The following SUSD4 variants were observed in gnomAD, a reference collection of about 807,000 sequenced individuals.
SUSD4 encodes the protein sushi domain containing 4, also known as sushi domain-containing protein 4.
Under a neutral mutation model 50.5 loss-of-function variants are expected in SUSD4, and 41 were observed. The ratio of observed to expected loss-of-function variants is 0.81; its 90% confidence interval spans 0.63 to 1.05. The LOEUF (loss-of-function observed/expected upper bound fraction) is 1.05, where lower values mean the gene tolerates loss of function less well. SUSD4 is among the 50% of genes least tolerant of loss of function. The pLI is 0.00. For missense variants in SUSD4, 580 were observed against 634.7 expected (o/e 0.91, Z 0.93); for synonymous variants, 257 against 257.3 (o/e 1.00, Z 0.01).
At chr1:223,316,240 T>C (rs1442057825) in intron 2 of SUSD4, among the ~76,000 whole-genome samples, 2 of 152,106 alleles carry the variant, frequency 1.3e-5, no homozygotes, top group African/African-American at 4.8e-5. Context: ...GAAACTTCAT[T>C]GGTGCATTTA....
At chr1:223,343,512 C>T (rs1417872443) in intron 2 of SUSD4, among the ~76,000 whole-genome samples, 3 of 152,028 alleles carry the variant, frequency 2.0e-5, no homozygotes, top group Non-Finnish European at 4.4e-5. Flanking sequence ...TACAATGATG[C>T]TCTAAAAGAT....
intron 2 of SUSD4, among the ~76,000 whole-genome samples, chr1:223,344,252 T>C (rs766301992): frequency 6.6e-6 from 1 of 152,056 alleles, no homozygotes; most frequent in Non-Finnish European, 1.5e-5. Flanking sequence ...AGATGGGTGA[T>C]GTGTTTGGCA....
chr1:223,337,829 GAA>G (rs1429055500), intron 2 of SUSD4, among the ~76,000 whole-genome samples: 1 of 152,182 alleles, frequency 6.6e-6, no homozygotes, highest in Non-Finnish European at 1.5e-5. Context: ...CTTAGAGGGA[GAA>G]AATGAGGCCA....
rs543140759 is a variant in SUSD4, at chr1:223,342,762, A to G, written c.148+20516T>C. ...ACGCAAATTGACTAAATGTTTAAGTATAACAAATAAAATATGAAAAATACA... is the reference window on the plus strand; with the variant it reads ...ACGCAAATTGACTAAATGTTTAAGTGTAACAAATAAAATATGAAAAATACA... On this transcript the variant is annotated intron_variant, in intron 2 of 8. Coordinates refer to ENST00000366878, the MANE Select transcript of SUSD4 (RefSeq NM_017982.4). Among the ~76,000 whole-genome samples, 6 of 152,360 alleles carry G rather than the reference A, an allele frequency of 3.9e-5. No homozygotes were observed. The South Asian group carries it at 1.0e-3, about 26-fold the overall frequency.
rs1666462074 is a variant in SUSD4, at chr1:223,319,814, T to C, written c.149-27163A>G. Among the ~76,000 whole-genome samples, 3 of 152,182 alleles carry C rather than the reference T, an allele frequency of 2.0e-5. No homozygotes were observed. The South Asian group carries it at 6.2e-4, about 32-fold the overall frequency. On this transcript the variant is annotated intron_variant, in intron 2 of 8. Transcript: ENST00000366878. ...TCCAACTAGCAAAGAAAGTAATGCT[T>C]AGGAGCATGCTTCCCCTCCCTTACC...
intron 2 of SUSD4, among the ~76,000 whole-genome samples, chr1:223,304,940 GCCATGTTAATAT>G (rs1558233567): frequency 1.3e-5 from 2 of 148,848 alleles, no homozygotes; most frequent in East Asian, 4.0e-4. Flanking sequence ...AATTCCTAGA[GCCATGTTAATAT>G]CTGAAAATAT....
intron 5 of SUSD4, chr1:223,263,806 T>G (rs980115085): frequency 1.0e-6 from 1 of 985,354 alleles, no homozygotes; most frequent in Non-Finnish European, 1.2e-6. Context: ...TGTTTCCATA[T>G]TCCATTGTTT....
chr1:223,319,375 A>G (rs1195994182), intron 2 of SUSD4, among the ~76,000 whole-genome samples: 1 of 150,044 alleles, frequency 6.7e-6, no homozygotes. Context: ...GCAACCTACA[A>G]CATGGGAGAA....
At chr1:223,233,054 T>G (rs1200691303) in intron 5 of SUSD4, among the ~76,000 whole-genome samples, 1 of 152,218 alleles carries the variant, frequency 6.6e-6, no homozygotes, top group Non-Finnish European at 1.5e-5. Flanking sequence ...AGGCTCCTTA[T>G]GCAATTAGGA....
chr1:223,256,141 G>T (rs571040975), intron 5 of SUSD4, among the ~76,000 whole-genome samples: 2 of 152,298 alleles, frequency 1.3e-5, no homozygotes, highest in East Asian at 3.9e-4. Flanking sequence ...ACATGGTATT[G>T]CCCTCTCCCT....
At position 223,264,647 on chromosome 1, in the gene SUSD4, C is replaced by T. The variant is rs192791335; in HGVS notation, c.707G>A (p.Arg236Gln). The change falls in exon 5 of 9, where the codon CGG becomes CAG. Residue 236 changes from arginine (R) to glutamine (Q), a missense_variant. Arg to Gln is a conservative substitution (Grantham distance 43). Coordinates refer to ENST00000366878, the MANE Select transcript of SUSD4 (RefSeq NM_017982.4). ...TGTGTTACCTTCCAGAGCAAGGCAC[C>T]GGGGTGGGCTGGACGACCAGATAAG... ...QNLIWSSSPP[R>Q]CLALEVCPLP... is the part of the protein sequence containing the mutation. 895 of 1,613,892 alleles carry T rather than the reference C, an allele frequency of 5.5e-4. 16 individuals carry two copies. The South Asian group carries it at 7.3e-3, about 13-fold the overall frequency.
At chr1:223,235,816 G>A (rs1660181003) in intron 5 of SUSD4, among the ~76,000 whole-genome samples, 1 of 152,146 alleles carries the variant, frequency 6.6e-6, no homozygotes, top group Non-Finnish European at 1.5e-5. Context: ...GAATAAATCT[G>A]CTATAACATT....
At chr1:223,318,193 T>A (rs1471140889) in intron 2 of SUSD4, among the ~76,000 whole-genome samples, 1 of 28,384 alleles carries the variant, frequency 3.5e-5, no homozygotes, top group African/African-American at 1.4e-4. Flanking sequence ...GAACTCATCA[T>A]TTTTTATGGC....
chr1:223,271,735 G>A (rs1662934021), intron 3 of SUSD4, among the ~76,000 whole-genome samples: 1 of 152,166 alleles, frequency 6.6e-6, no homozygotes, highest in African/African-American at 2.4e-5. Context: ...CTAAAGGAGG[G>A]TGAAGTAGGA....
intron 2 of SUSD4, among the ~76,000 whole-genome samples, chr1:223,311,670 G>A (rs1665883462): frequency 6.6e-6 from 1 of 152,168 alleles, no homozygotes; most frequent in African/African-American, 2.4e-5. Flanking sequence ...TACAGAAATA[G>A]GCTCAGATTT....
intron 2 of SUSD4, among the ~76,000 whole-genome samples, chr1:223,312,252 G>C (rs908439978): frequency 6.6e-6 from 1 of 152,198 alleles, no homozygotes; most frequent in African/African-American, 2.4e-5. Context: ...AGAAAATGAA[G>C]CAGCTGCTAT....
intron 6 of SUSD4, among the ~76,000 whole-genome samples, chr1:223,228,511 A>G (rs1414745611): frequency 6.6e-6 from 1 of 152,158 alleles, no homozygotes; most frequent in Non-Finnish European, 1.5e-5. Flanking sequence ...TGGGAAGGAG[A>G]CAGTGGGTGT....
chr1:223,272,720 C>T (rs1198079753), intron 3 of SUSD4, among the ~76,000 whole-genome samples: 3 of 152,122 alleles, frequency 2.0e-5, no homozygotes, highest in Admixed American at 6.5e-5. Context: ...ATTAAAGGCT[C>T]GAACGGTCTT....
At chr1:223,251,846 T>C (rs954963882) in intron 5 of SUSD4, among the ~76,000 whole-genome samples, 2 of 152,108 alleles carry the variant, frequency 1.3e-5, no homozygotes, top group African/African-American at 4.8e-5. Flanking sequence ...CCACAATGGT[T>C]GAACTAGTTT....
Sources: gnomAD v4.1 joint callset for allele counts (sites outside exome capture counted in the v4.1 genomes callset) on GRCh38, gnomAD v4.1.1 for gene constraint, MANE v1.5 for transcripts, NCBI Gene and HGNC (gene_info 2026-07-23, HGNC 2026-07-21) for gene names.